The following LIMS1 variants were observed in gnomAD, a reference collection of about 807,000 sequenced individuals.
The protein encoded by LIMS1 is LIM and senescent cell antigen-like-containing domain protein 1.
Under a neutral mutation model 44.1 loss-of-function variants are expected in LIMS1, and 18 were observed. That is an observed-to-expected ratio of 0.41 (90% CI 0.28 to 0.61). The LOEUF is 0.61. Ranked by LOEUF, LIMS1 falls within the 20% of genes least tolerant of loss-of-function variation. LIMS1 has a pLI of 0.32. For synonymous variants in LIMS1, 93 were observed against 149.1 expected (o/e 0.62, Z 2.74); for missense variants, 201 against 422.0 (o/e 0.48, Z 4.59).
intron 1 of LIMS1, among the ~76,000 whole-genome samples, chr2:108,548,663 C>T (rs1215756207): frequency 6.6e-6 from 1 of 152,180 alleles, no homozygotes; most frequent in Non-Finnish European, 1.5e-5. Flanking sequence ...CTGTTCCATG[C>T]TCTCCCCACC....
rs1160079369 is a variant in LIMS1, at chr2:108,551,947, G to GTA, written c.32+17354_32+17355insAT. On this transcript the variant is annotated intron_variant, in intron 1 of 9. Coordinates refer to ENST00000544547, the Ensembl canonical transcript of LIMS1. ...TGTATATATGTGTGTGTGTGTGTGT[G>GTA]TGTGTGTATATATATATATATATAT... Among the ~76,000 whole-genome samples, 22 of 95,596 alleles carry GTA rather than the reference G, an allele frequency of 2.3e-4. No individual in the cohort carries two copies. In the East Asian group the frequency reaches 3.6e-3, roughly 16 times the overall value. 62.7% of individuals were successfully genotyped at this position (95,596 alleles called of 152,430 possible). A position where few individuals can be genotyped will look rare whatever the true frequency, so the allele number is the denominator to read the frequency against.
intron 1 of LIMS1, among the ~76,000 whole-genome samples, chr2:108,545,424 G>T (rs1039804371): frequency 6.6e-6 from 1 of 152,070 alleles, no homozygotes; most frequent in South Asian, 2.1e-4. Context: ...TAGTAGAGAC[G>T]CGGTTTCACC....
At chr2:108,575,821 T>A (rs2718724) in intron 1 of LIMS1, among the ~76,000 whole-genome samples, 101,461 of 152,090 alleles carry the variant, frequency 0.67, 34,553 homozygotes, top group East Asian at 0.97. Flanking sequence ...GTGTGTGGTA[T>A]TATTCATTTT....
exon 10 of LIMS1, chr2:108,687,121 C>T (rs1693353611): frequency 6.6e-6 from 1 of 152,086 alleles, no homozygotes; most frequent in African/African-American, 2.4e-5. Flanking sequence ...AGGCTCATAG[C>T]CTTGTATTTC....
intron 1 of LIMS1, among the ~76,000 whole-genome samples, chr2:108,628,922 GAGA>G (rs1688739365): frequency 6.6e-6 from 1 of 152,222 alleles, no homozygotes; most frequent in Non-Finnish European, 1.5e-5. Context: ...CCGAGTAGCT[GAGA>G]CTGCATTGAA....
chr2:108,607,764 AT>A (rs1305056195), intron 1 of LIMS1, among the ~76,000 whole-genome samples: 2 of 152,128 alleles, frequency 1.3e-5, no homozygotes, highest in African/African-American at 4.8e-5. Context: ...ATTAAGCATT[AT>A]TTGGAAATGG....
chr2:108,652,946 T>C (rs1228200535), intron 1 of LIMS1, among the ~76,000 whole-genome samples: 1 of 152,180 alleles, frequency 6.6e-6, no homozygotes, highest in African/African-American at 2.4e-5. Context: ...AATTAGGAAA[T>C]ATAGATAAAT....
chr2:108,633,939 C>T (rs1035449799), intron 1 of LIMS1, among the ~76,000 whole-genome samples: 7 of 152,190 alleles, frequency 4.6e-5, no homozygotes, highest in Non-Finnish European at 8.8e-5. Flanking sequence ...CGTGGTGTTT[C>T]TCCCACCAAG....
At chr2:108,633,215 CAG>C (rs1349322999) in intron 1 of LIMS1, among the ~76,000 whole-genome samples, 1 of 152,146 alleles carries the variant, frequency 6.6e-6, no homozygotes, top group Non-Finnish European at 1.5e-5. Flanking sequence ...TCTTTTAACA[CAG>C]AATTATTTTT....
At chr2:108,579,488 C>A (rs1685806532) in intron 1 of LIMS1, among the ~76,000 whole-genome samples, 1 of 152,094 alleles carries the variant, frequency 6.6e-6, no homozygotes, top group African/African-American at 2.4e-5. Flanking sequence ...CTTAAGTGCA[C>A]AACTTAGGAA....
Position 108,642,337 on chromosome 2 carries a change from TTTTTGTTTTTTTTTTTTTTTG to T in LIMS1, c.33-17263_33-17243del, listed in dbSNP as rs568915105. Among the ~76,000 whole-genome samples, 3 of 20,254 alleles carry T rather than the reference TTTTTGTTTTTTTTTTTTTTTG, an allele frequency of 1.5e-4. No individual in the cohort carries two copies. The East Asian group carries it at 0.019, about 125-fold the overall frequency. The allele number at this position is 20,254 out of a possible 152,430, so 13.3% of individuals were successfully genotyped here. The stretch of plus-strand genomic sequence containing the variant: ...AGGAGTAATTTTAAGCTACTAGTGT[TTTTTGTTTTTTTTTTTTTTTG>T]TTTTTTGTTTTTTTTTTTTGAGACG... On this transcript the variant is annotated intron_variant, in intron 1 of 9. Coordinates refer to ENST00000544547, the Ensembl canonical transcript of LIMS1.
chr2:108,643,234 T>G (rs1689828739), intron 1 of LIMS1, among the ~76,000 whole-genome samples: 1 of 152,188 alleles, frequency 6.6e-6, no homozygotes, highest in Non-Finnish European at 1.5e-5. Context: ...ACAGCTCCGG[T>G]CTGCAGCTCC....
chr2:108,593,436 C>G (rs1394983642), intron 1 of LIMS1, among the ~76,000 whole-genome samples: 1 of 152,134 alleles, frequency 6.6e-6, no homozygotes, highest in Admixed American at 6.5e-5. Context: ...AAGGTCTTGC[C>G]GGAGTTACTT....
chr2:108,615,385 T>C (rs1182380232), intron 1 of LIMS1, among the ~76,000 whole-genome samples: 2 of 152,208 alleles, frequency 1.3e-5, no homozygotes, highest in African/African-American at 4.8e-5. Flanking sequence ...GCAGTCCTGC[T>C]GCAAGCTTCT....
chr2:108,676,950 AGT>A, intron 7 of LIMS1: 1 of 483,518 alleles, frequency 2.1e-6, no homozygotes. Context: ...TAAAACACAT[AGT>A]TACGTAAATA....
chr2:108,676,490 A>C (rs1692574739), intron 6 of LIMS1, 116 bp from the exon 7 acceptor site: 2 of 1,275,854 alleles, frequency 1.6e-6, no homozygotes, highest in Admixed American at 5.2e-5. Context: ...TGGCCAAATG[A>C]AATGACTGTC....
intron 1 of LIMS1, among the ~76,000 whole-genome samples, chr2:108,619,600 C>T (rs1481581621): frequency 6.6e-6 from 1 of 152,128 alleles, no homozygotes; most frequent in African/African-American, 2.4e-5. Flanking sequence ...ACGAGAATCA[C>T]TTGAACCCGG....
At chr2:108,566,577 CAA>C (rs1685298168) in intron 1 of LIMS1, among the ~76,000 whole-genome samples, 1 of 152,022 alleles carries the variant, frequency 6.6e-6, no homozygotes, top group East Asian at 1.9e-4. Flanking sequence ...CGTAAAATGC[CAA>C]CATAAAATTT....
chr2:108,654,925 C>T, intron 1 of LIMS1: 1 of 1,513,050 alleles, frequency 6.6e-7, no homozygotes, highest in Non-Finnish European at 8.9e-7. Context: ...TAACATGAAG[C>T]AGCAGTAGTG....
Sources: allele counts gnomAD v4.1 joint callset (sites outside exome capture counted in the v4.1 genomes callset), GRCh38; gene constraint gnomAD v4.1.1; transcripts MANE v1.5; gene names NCBI Gene and HGNC (gene_info 2026-07-23, HGNC 2026-07-21).